The following MAGED1 variants were observed in gnomAD, a reference collection of about 807,000 sequenced individuals.
MAGED1 encodes the protein melanoma-associated antigen D1.
Under a neutral mutation model 54.1 loss-of-function variants are expected in MAGED1, and 3 were observed. The ratio of observed to expected loss-of-function variants is 0.06; its 90% CI spans 0.03 to 0.14. MAGED1 has a LOEUF of 0.14. MAGED1 is among the 10% of genes least tolerant of loss of function. The pLI, the probability that MAGED1 is intolerant of heterozygous loss-of-function variation, is 1.00. For synonymous variants in MAGED1, 217 were observed against 227.3 expected (o/e 0.95, Z 0.41); for missense variants, 485 against 623.4 (o/e 0.78, Z 2.36).
rs561736847 is a variant in MAGED1, at chrX:51,832,296, C to T, written c.-37+29179C>T. Among the ~76,000 whole-genome samples, 13 of 111,849 alleles carry T rather than the reference C, an allele frequency of 1.2e-4. No homozygotes were observed. In the East Asian group the frequency reaches 3.4e-3, roughly 29 times the overall value. ...CTGCCCACCTTGGCCTCCCAAAGTC[C>T]TGGGATTACAGGCATGAGCCACTGC... On this transcript the variant is annotated intron_variant, in intron 1 of 12. Coordinates refer to the MAGED1 transcript ENST00000375772.
chrX:51,819,984 A>G (rs1602211770), intron 1 of MAGED1, among the ~76,000 whole-genome samples: 1 of 111,854 alleles, frequency 8.9e-6, no homozygotes, highest in South Asian at 3.7e-4. Context: ...ATGTGGTGTG[A>G]GATAGGGGTC....
chrX:51,881,496 A>T (rs1557362490), intron 1 of MAGED1, among the ~76,000 whole-genome samples: 2 of 107,635 alleles, frequency 1.9e-5, no homozygotes, highest in Non-Finnish European at 3.8e-5. Flanking sequence ...GCTCACTGCA[A>T]CCTCCGCCTC....
intron 2 of MAGED1, 155 bp from the exon 3 acceptor site, chrX:51,894,898 G>T: frequency 1.1e-6 from 1 of 938,875 alleles, no homozygotes. Context: ...ATCGCCCCTC[G>T]CGGGCCCCCT....
chrX:51,814,352 A>T (rs1285397348), intron 1 of MAGED1, among the ~76,000 whole-genome samples: 1 of 111,120 alleles, frequency 9.0e-6, no homozygotes, highest in Non-Finnish European at 1.9e-5. Context: ...TGCAACAAAG[A>T]TCCTGATCTT....
chrX:51,873,668 T>C (rs1445669515), intron 1 of MAGED1, among the ~76,000 whole-genome samples: 2 of 110,514 alleles, frequency 1.8e-5, no homozygotes, highest in African/African-American at 6.6e-5. Flanking sequence ...AGGGGATATC[T>C]TTTCCTTACC....
At chrX:51,820,014 A>G (rs1249971566) in intron 1 of MAGED1, among the ~76,000 whole-genome samples, 1 of 111,499 alleles carries the variant, frequency 9.0e-6, no homozygotes, top group African/African-American at 3.3e-5. Context: ...TTGCATATAG[A>G]TATCCAGTTG....
At chrX:51,814,633 A>G (rs1464333577) in intron 1 of MAGED1, among the ~76,000 whole-genome samples, 1 of 111,595 alleles carries the variant, frequency 9.0e-6, no homozygotes, top group Non-Finnish European at 1.9e-5. Flanking sequence ...GGTCAATGAC[A>G]GATCACATAT....
intron 1 of MAGED1, among the ~76,000 whole-genome samples, chrX:51,875,866 A>G (rs1350961139): frequency 1.8e-5 from 2 of 111,794 alleles, no homozygotes; most frequent in East Asian, 5.6e-4. Flanking sequence ...AGAAAAGGAG[A>G]TTAACCTTCT....
At chrX:51,871,910 A>G (rs1331177119) in intron 1 of MAGED1, among the ~76,000 whole-genome samples, 4 of 111,439 alleles carry the variant, frequency 3.6e-5, no homozygotes, top group African/African-American at 9.8e-5. Context: ...AAGTGTTCCT[A>G]TTTCTCCACA....
chrX:51,896,253 T>G (rs1322338852), intron 3 of MAGED1, 156 bp from the exon 4 acceptor site: 1 of 492,808 alleles, frequency 2.0e-6, no homozygotes, highest in African/African-American at 2.4e-5. Flanking sequence ...AACTCCTGCC[T>G]GGAAGACAGT....
intron 1 of MAGED1, among the ~76,000 whole-genome samples, chrX:51,856,812 G>A (rs1557360246): frequency 1.8e-5 from 2 of 111,457 alleles, no homozygotes; most frequent in East Asian, 5.6e-4. Flanking sequence ...ATTTGTTACA[G>A]GCACAGTACT....
chrX:51,812,228 G>C (rs1325367416), intron 1 of MAGED1, among the ~76,000 whole-genome samples: 1 of 110,993 alleles, frequency 9.0e-6, no homozygotes, highest in African/African-American at 3.3e-5. Flanking sequence ...ACAAAAAAAA[G>C]CTGTGAGTGG....
intron 1 of MAGED1, among the ~76,000 whole-genome samples, chrX:51,849,423 G>A (rs1557359553): frequency 1.8e-5 from 2 of 111,698 alleles, no homozygotes; most frequent in Non-Finnish European, 3.8e-5. Flanking sequence ...GAAACATTGA[G>A]ATTTGATTAG....
chrX:51,840,271 T>C (rs1557358329), intron 1 of MAGED1, among the ~76,000 whole-genome samples: 1 of 111,059 alleles, frequency 9.0e-6, no homozygotes, highest in Non-Finnish European at 1.9e-5. Flanking sequence ...TAAAAGTAAG[T>C]GAATAAATAT....
intron 1 of MAGED1, among the ~76,000 whole-genome samples, chrX:51,829,711 T>C (rs1249511794): frequency 2.7e-5 from 3 of 111,425 alleles, no homozygotes; most frequent in Non-Finnish European, 5.7e-5. Context: ...CATTGAAATG[T>C]GGTCAATTGC....
intron 10 of MAGED1, chrX:51,899,775 G>A (rs1312482170): frequency 7.0e-6 from 1 of 143,275 alleles, no homozygotes; most frequent in Non-Finnish European, 1.3e-5. Flanking sequence ...TTTCTAAGCA[G>A]TTGTCTTGCA....
chrX:51,898,961 A>G (rs1928884356), intron 10 of MAGED1: 1 of 198,729 alleles, frequency 5.0e-6, no homozygotes, highest in East Asian at 1.1e-4. Context: ...AGCTGTGATC[A>G]TGCCACTGCA....
chrX:51,875,699 A>AT (rs1237953422), intron 1 of MAGED1, among the ~76,000 whole-genome samples: 10 of 111,062 alleles, frequency 9.0e-5, no homozygotes, highest in Non-Finnish European at 1.3e-4. Flanking sequence ...GACAGTTATA[A>AT]TTTTTTTATC....
rs782820008 is a variant in MAGED1, at chrX:51,897,023, C to T, written c.1368C>T (p.Ala456=). The T allele has an allele frequency of 3.3e-5, 40 of 1,210,323 alleles. No individual in the cohort carries two copies. The East Asian group carries it at 1.1e-3, about 33-fold the overall frequency. The change falls in exon 4 of 13, where the codon GCC becomes GCT. Residue 456 remains alanine (A), a synonymous_variant. Transcript: ENST00000326587. The part of the protein sequence containing the change: ...PNLRPSPNSR[A]SQNPGAAQPR... ...TGCGCCCTTCTCCCAACTCGCGTGC[C>T]TCACAGAACCCAGGTGCTGCACAGC...
Sources: allele counts gnomAD v4.1 joint callset (sites outside exome capture counted in the v4.1 genomes callset), GRCh38; gene constraint gnomAD v4.1.1; transcripts MANE v1.5; gene names NCBI Gene and HGNC (gene_info 2026-07-23, HGNC 2026-07-21).